Variants in CEP20 observed in about 807,000 individuals in gnomAD.
The protein encoded by CEP20 is centrosomal protein 20.
In CEP20, 18 loss-of-function variants were observed where a neutral mutation model predicts 20.0. That is an observed-to-expected ratio of 0.90 (90% CI 0.62 to 1.34). The LOEUF (loss-of-function observed/expected upper bound fraction) is 1.34, where lower values mean the gene tolerates loss of function less well. Ranked by LOEUF, CEP20 falls within the 40% of genes most tolerant of loss-of-function variation. The pLI is 0.00. For synonymous variants in CEP20, 77 were observed against 73.7 expected (o/e 1.04, Z -0.23); for missense variants, 215 against 201.6 (o/e 1.07, Z -0.40).
At chr16:15,877,226 T>C (rs2044976204) in intron 3 of CEP20, 1 of 152,444 alleles carries the variant, frequency 6.6e-6, no homozygotes, top group Non-Finnish European at 1.5e-5. Context: ...CTAATCTCTG[T>C]ACCGCTCCAA....
At chr16:15,885,325 A>C (rs2045214532) in intron 1 of CEP20, among the ~76,000 whole-genome samples, 1 of 145,114 alleles carries the variant, frequency 6.9e-6, no homozygotes, top group African/African-American at 2.6e-5. Flanking sequence ...CAACCAACCA[A>C]CCAACCAAAA....
chr16:15,872,670 C>T (rs2044849543), intron 4 of CEP20, among the ~76,000 whole-genome samples: 1 of 151,948 alleles, frequency 6.6e-6, no homozygotes, highest in African/African-American at 2.4e-5. Context: ...AATAGCACCA[C>T]TGCACTCTAG....
intron 2 of CEP20, among the ~76,000 whole-genome samples, chr16:15,880,422 T>C (rs1444691186): frequency 2.0e-5 from 3 of 152,216 alleles, no homozygotes; most frequent in Admixed American, 6.5e-5. Context: ...TGAAAACTTA[T>C]GTTCTCACAA....
chr16:15,882,842 C>G (rs1456585049), intron 2 of CEP20: 3 of 150,406 alleles, frequency 2.0e-5, no homozygotes, highest in East Asian at 4.1e-4. Context: ...TAGACAGGGA[C>G]AGTTTTTTTT....
At chr16:15,882,836 C>A (rs1236650846) in intron 2 of CEP20, 2 of 150,472 alleles carry the variant, frequency 1.3e-5, no homozygotes, top group African/African-American at 4.9e-5. Flanking sequence ...TATATATAGA[C>A]AGGGACAGTT....
chr16:15,881,044 G>A (rs2045085363), intron 2 of CEP20, among the ~76,000 whole-genome samples: 1 of 151,984 alleles, frequency 6.6e-6, no homozygotes, highest in Non-Finnish European at 1.5e-5. Flanking sequence ...ACAATAAATG[G>A]AGTATGCTTG....
intron 2 of CEP20, among the ~76,000 whole-genome samples, chr16:15,881,027 A>G (rs2045084758): frequency 6.6e-6 from 1 of 152,120 alleles, no homozygotes; most frequent in African/African-American, 2.4e-5. Flanking sequence ...TCATAGAAAT[A>G]AAATGCACAA....
At chr16:15,882,734 T>TCTATCTATCTATCTAC (rs1436759785) in intron 2 of CEP20, among the ~76,000 whole-genome samples, 47 of 17,334 alleles carry the variant, frequency 2.7e-3, no homozygotes, top group Admixed American at 5.3e-3. Flanking sequence ...CTCCATTATA[T>TCTATCTATCTATCTAC]CTATCTATCT....
Position 15,866,529 on chromosome 16 carries a change from T to C in CEP20, c.*911A>G, listed in dbSNP as rs1255055998. ...GTAGCGTATTAGAGATAGCACATACTATTTTTCTATCCCAAGAATAAAAAT... is the reference window on the plus strand; with the variant it reads ...GTAGCGTATTAGAGATAGCACATACCATTTTTCTATCCCAAGAATAAAAAT... On this transcript the variant is annotated 3_prime_UTR_variant, in exon 5 of 5. Transcript: ENST00000255759. The C allele has an allele frequency of 4.6e-5, 7 of 152,364 alleles. No homozygotes were observed. The South Asian group carries it at 6.2e-4, about 14-fold the overall frequency. The allele number at this position is 152,364 out of a possible 1,614,324, so 9.4% of individuals were successfully genotyped here.
Position 15,884,069 on chromosome 16 carries a change from T to G in CEP20, c.165A>C (p.Glu55Asp). The G allele has an allele frequency of 1.2e-6, 2 of 1,614,028 alleles. No homozygotes were observed. The highest frequency in any genetic ancestry group is 8.5e-7 in the Non-Finnish European group (1 of 1,179,882). ...SLSHENLLIN[E>D]LIREYLEFNK... ...TGAATTCTAAATACTCTCGAATTAA[T>G]TCATTAATTAGAAGGTTTTCATGAG... The change falls in exon 2 of 5, where the codon GAA becomes GAC. Residue 55 changes from glutamate (E) to aspartate (D), a missense_variant. By Grantham distance (45) the Glu-to-Asp change is conservative. Transcript: ENST00000255759.
intron 4 of CEP20, among the ~76,000 whole-genome samples, chr16:15,869,913 T>C (rs2044772770): frequency 6.6e-6 from 1 of 152,188 alleles, no homozygotes; most frequent in Non-Finnish European, 1.5e-5. Flanking sequence ...AAATCACTGT[T>C]CTTCCCCGAT....
At chr16:15,870,733 C>G (rs1181942094) in intron 4 of CEP20, among the ~76,000 whole-genome samples, 1 of 151,886 alleles carries the variant, frequency 6.6e-6, no homozygotes, top group African/African-American at 2.4e-5. Context: ...AAAGACTGAT[C>G]CCAGGAGTTT....
rs761478925 is a variant in CEP20 at position 15,873,471 on chromosome 16, G to C, written c.448+20C>G. On this transcript the variant is annotated intron_variant, in intron 4 of 4. Coordinates refer to ENST00000255759, the MANE Select transcript of CEP20 (RefSeq NM_144600.4). ...ACATATTTGCTGACAGCTAAATGAT[G>C]AATCTTGGAAAACTCATACCCATTG... 24 of 1,596,858 alleles carry C rather than the reference G, an allele frequency of 1.5e-5. No homozygotes were observed. In the East Asian group the frequency reaches 4.7e-4, roughly 31 times the overall value.
chr16:15,885,331 CAA>C (rs755276068), intron 1 of CEP20, among the ~76,000 whole-genome samples: 1 of 142,994 alleles, frequency 7.0e-6, no homozygotes, highest in Non-Finnish European at 1.5e-5. Context: ...ACCAACCAAC[CAA>C]AAAAAAAAAC....
At chr16:15,883,564 C>G (rs980561635) in intron 2 of CEP20, among the ~76,000 whole-genome samples, 27 of 152,082 alleles carry the variant, frequency 1.8e-4, no homozygotes, top group African/African-American at 6.3e-4. Flanking sequence ...GATGGGGTCT[C>G]CCTGTGTTGC....
At position 15,884,040 on chromosome 16, in the gene CEP20, T is replaced by C. The variant is rs1242950710; in HGVS notation, c.194A>G (p.Lys65Arg). The change falls in exon 2 of 5, where the codon AAA becomes AGA. Residue 65 changes from lysine (K) to arginine (R), a missense_variant. Transcript: ENST00000255759. The stretch of plus-strand genomic sequence containing the variant: ...GAGGACAGATGCTGTATACTTATAT[T>C]TGTTGAATTCTAAATACTCTCGAAT... ...ELIREYLEFN[K>R]YKYTASVLIA... is the part of the protein sequence containing the mutation. 4 of 1,613,500 alleles carry C rather than the reference T, an allele frequency of 2.5e-6. No homozygotes were observed. Among genetic ancestry groups the C allele is most frequent in the Middle Eastern group, 1.7e-4 (1 of 5,986 alleles).
At chr16:15,873,117 TA>T (rs11437197) in intron 4 of CEP20, among the ~76,000 whole-genome samples, 22 of 151,544 alleles carry the variant, frequency 1.5e-4, no homozygotes, top group African/African-American at 5.3e-4. Context: ...ATTTTTTAAT[TA>T]AAAAAATAGA....
At chr16:15,885,287 G>C (rs527284460) in intron 1 of CEP20, among the ~76,000 whole-genome samples, 5 of 151,236 alleles carry the variant, frequency 3.3e-5, no homozygotes, top group African/African-American at 1.2e-4. Flanking sequence ...TAGCCTGGGC[G>C]AAAGAGTGAG....
rs200021692 is a variant in CEP20 at position 15,884,020 on chromosome 16, C to T, written c.214G>A (p.Val72Ile). The change falls in exon 2 of 5, where the codon GTC becomes ATC. Residue 72 changes from valine (V) to isoleucine (I), a missense_variant. Physicochemically the swap from Val to Ile is conservative, Grantham distance 29. Coordinates refer to ENST00000255759, the MANE Select transcript of CEP20 (RefSeq NM_144600.4). Reference protein sequence around the residue: ...EFNKYKYTASVLIAESGQPVV... With the variant: ...EFNKYKYTASILIAESGQPVV... Reference sequence around the variant, plus strand: ...AATAACCACTTACCTGCTATGAGGACAGATGCTGTATACTTATATTTGTTG... The same window carrying T: ...AATAACCACTTACCTGCTATGAGGATAGATGCTGTATACTTATATTTGTTG... 139 of 1,611,950 alleles carry T rather than the reference C, an allele frequency of 8.6e-5. 2 individuals carry two copies. In the East Asian group the frequency reaches 3.1e-3, roughly 36 times the overall value.
Sources: gnomAD v4.1 joint callset for allele counts (sites outside exome capture counted in the v4.1 genomes callset) on GRCh38, gnomAD v4.1.1 for gene constraint, MANE v1.5 for transcripts, NCBI Gene and HGNC (gene_info 2026-07-23, HGNC 2026-07-21) for gene names.